The following MKS1 variants were observed in gnomAD, a reference collection of about 807,000 sequenced individuals.
MKS1 encodes the protein tectonic-like complex member MKS1.
In MKS1, 70 loss-of-function variants were observed where a neutral mutation model predicts 83.7. The ratio of observed to expected loss-of-function variants is 0.84; its 90% confidence interval spans 0.69 to 1.02. MKS1 has a LOEUF of 1.02. MKS1 is among the 50% of genes least tolerant of loss of function. The probability of loss-of-function intolerance (pLI) is 0.00; values close to 1 mark genes in which losing one functional copy is unlikely to be tolerated. For missense variants in MKS1, 681 were observed against 726.9 expected (o/e 0.94, Z 0.73); for synonymous variants, 251 against 273.4 (o/e 0.92, Z 0.81).
intron 7 of MKS1, among the ~76,000 whole-genome samples, chr17:58,213,485 G>C (rs1392910385): frequency 1.3e-5 from 2 of 152,208 alleles, no homozygotes; most frequent in Admixed American, 6.5e-5. Context: ...ACCCCACTCT[G>C]TTCTGGTCAG....
In MKS1 at chr17:58,214,759, C is replaced by T. The variant is rs1050543850; in HGVS notation, c.497G>A (p.Arg166Gln). The change falls in exon 5 of 18, where the codon CGG becomes CAG. Residue 166 changes from arginine (R) to glutamine (Q), a missense_variant. Arg to Gln is a conservative substitution (Grantham distance 43). Transcript: ENST00000393119. ...CACTCACATCCCTCGCCTGTCCTGCCGGCGACGCCTGACATTTGCCATTCG... is the reference window on the plus strand; with the variant it reads ...CACTCACATCCCTCGCCTGTCCTGCTGGCGACGCCTGACATTTGCCATTCG... ...VERMANVRRR[R>Q]QDRRGMEGGI... 26 of 1,606,540 alleles carry T rather than the reference C, an allele frequency of 1.6e-5. No homozygotes were observed. The highest frequency in any genetic ancestry group is 7.7e-5 in the South Asian group (7 of 90,944).
rs1378969681 is a variant in MKS1 at position 58,213,797 on chromosome 17, C to G, written c.717G>C (p.Lys239Asn). 1 of 1,613,996 alleles carries G rather than the reference C, an allele frequency of 6.2e-7. No individual in the cohort carries two copies. The highest frequency in any genetic ancestry group is 2.2e-5 in the East Asian group (1 of 44,896). Residue 239 changes from lysine to asparagine, a missense_variant, in exon 7 of 18, where the codon AAG becomes AAC. Coordinates refer to ENST00000393119, the MANE Select transcript of MKS1 (RefSeq NM_017777.4). ...GTCCTTTGAGGCCCGTGAAGTCAGG[C>G]TTTACTGTGATCACACCATTGCTAT... ...KVDSNGVITV[K>N]PDFTGLKGPY...
intron 11 of MKS1, among the ~76,000 whole-genome samples, chr17:58,210,279 C>T (rs577695672): frequency 4.6e-5 from 7 of 152,084 alleles, no homozygotes; most frequent in Non-Finnish European, 8.8e-5. Flanking sequence ...GGATGGATGA[C>T]GTTGCCCAGG....
At chr17:58,207,841 GT>G in intron 14 of MKS1, 52 bp downstream of exon 14, 2 of 1,486,138 alleles carry the variant, frequency 1.3e-6, no homozygotes, top group Non-Finnish European at 1.9e-6. Flanking sequence ...TGTTAGTCTT[GT>G]TCTTAGGGCC....
chr17:58,208,319 C>A, intron 12 of MKS1, 145 bp from the exon 13 acceptor site: 2 of 940,326 alleles, frequency 2.1e-6, no homozygotes, highest in Non-Finnish European at 1.7e-6. Context: ...AAAGGACACC[C>A]AAATACAAGC....
In MKS1 at chr17:58,213,861, T is replaced by G. The variant is rs201758855; in HGVS notation, c.653A>C (p.Tyr218Ser). 1 of 1,613,340 alleles carries G rather than the reference T, an allele frequency of 6.2e-7. No homozygotes were observed. Among genetic ancestry groups the G allele is most frequent in the African/African-American group, 1.3e-5 (1 of 75,014 alleles). The change falls in exon 7 of 18, where the codon TAT becomes TCT. Residue 218 changes from tyrosine (Y) to serine (S), a missense_variant. Tyr to Ser is a moderately radical substitution (Grantham distance 144). Around this residue, in one of 3 missense-constraint regions of MKS1, gnomAD observed 365 missense variants for 383.8 expected, o/e 0.95. Transcript: ENST00000393119. ...ACACAGGACATGTTCATACTTCTTA[T>G]AGCCAAGCCTAGAAATCAGGAAAAC... ...ADLGPYKKLG[Y>S]KKYEHVLCTL...
chr17:58,213,654 T>C (rs930484502), intron 7 of MKS1, 111 bp downstream of exon 7: 5 of 841,744 alleles, frequency 5.9e-6, no homozygotes, highest in African/African-American at 1.7e-5. Flanking sequence ...CCTGGGAATG[T>C]AAAAGTTAGA....
In MKS1 at chr17:58,210,837, C is replaced by A. The variant is rs1273624612; in HGVS notation, c.959-113G>T. 8.4e-6 allele frequency: 12 copies of A among 1,433,862 alleles called. No individual in the cohort carries two copies. The East Asian group carries it at 2.7e-4, about 33-fold the overall frequency. 88.8% of individuals were successfully genotyped at this position (1,433,862 alleles called of 1,614,324 possible). A position where few individuals can be genotyped will look rare whatever the true frequency, so the allele number is the denominator to read the frequency against. On this transcript the variant is annotated intron_variant, in intron 10 of 17. Coordinates refer to ENST00000393119, the MANE Select transcript of MKS1 (RefSeq NM_017777.4). ...GAGCAAGTCTTTTGAGGGCCAGGAA[C>A]CCTCTGCGTTTCCAGGAAAGACTCA...
At chr17:58,212,660 A>G (rs1419157496) in intron 8 of MKS1, among the ~76,000 whole-genome samples, 3 of 152,198 alleles carry the variant, frequency 2.0e-5, no homozygotes. Context: ...TGGGCAGACT[A>G]CTTAGCTCCT....
At chr17:58,213,624 G>A in intron 7 of MKS1, 141 bp downstream of exon 7, 1 of 744,228 alleles carries the variant, frequency 1.3e-6, no homozygotes, top group Non-Finnish European at 2.4e-6. Flanking sequence ...CTATGACTTG[G>A]AACAGAATAC....
At chr17:58,212,480 G>C in intron 8 of MKS1, 46 bp from the exon 9 acceptor site, 1 of 1,598,186 alleles carries the variant, frequency 6.3e-7, no homozygotes. Context: ...ACCCAAGCTA[G>C]ACCAAAGTTC....
chr17:58,217,269 G>A (rs925957168), intron 2 of MKS1, among the ~76,000 whole-genome samples: 1 of 152,230 alleles, frequency 6.6e-6, no homozygotes, highest in Admixed American at 6.5e-5. Context: ...GATTACAGGC[G>A]TGGGCCACGG....
chr17:58,206,034 T>TC lies in MKS1; in HGVS notation c.*44dup. ...GGCAGGAGAGCACTGGCCTCAGATA[T>TC]CCCCCATCTTGTCCTCTTGCACTGT... On this transcript the variant is annotated 3_prime_UTR_variant, in exon 18 of 18. Transcript: ENST00000393119. The TC allele has an allele frequency of 6.3e-7, 1 of 1,575,816 alleles. No individual in the cohort carries two copies. The highest frequency in any genetic ancestry group is 8.6e-7 in the Non-Finnish European group (1 of 1,162,026).
In MKS1 at chr17:58,218,699, G is replaced by C. The variant is rs1409024170; in HGVS notation, c.111C>G (p.Asn37Lys). Reference sequence around the variant, plus strand: ...CGGCAGCAGGCTGATAATGAAGAAAGTTGCTTGATGTGATTCTTTGCAGGT... The same window carrying C: ...CGGCAGCAGGCTGATAATGAAGAAACTTGCTTGATGTGATTCTTTGCAGGT... ...RVHLQRITSS[N>K]FLHYQPAAEL... is the part of the protein sequence containing the mutation. The change falls in exon 2 of 18, where the codon AAC (asparagine) becomes AAG (lysine). Residue 37 changes from asparagine (N) to lysine (K), a missense_variant. Coordinates refer to ENST00000393119, the MANE Select transcript of MKS1 (RefSeq NM_017777.4). 3 of 1,613,862 alleles carry C rather than the reference G, an allele frequency of 1.9e-6. No homozygotes were observed. The highest frequency in any genetic ancestry group is 2.7e-5 in the African/African-American group (2 of 74,924).
Position 58,214,799 on chromosome 17 carries a change from A to C in MKS1, c.457T>G (p.Ser153Ala), listed in dbSNP as rs2143809333. The C allele has an allele frequency of 6.2e-7, 1 of 1,606,514 alleles. No individual in the cohort carries two copies. Among genetic ancestry groups the C allele is most frequent in the Non-Finnish European group, 8.5e-7 (1 of 1,179,732 alleles). ...TTTGCCATTCGCTCGACCAAGAATG[A>C]AGGCACCTCGCTGGCTGCAGTGGTC... is the stretch of plus-strand genomic sequence containing the variant. ...RMTTAASEVP[S>A]FLVERMANVR... The change falls in exon 5 of 18, where the codon TCA (serine) becomes GCA (alanine). Residue 153 changes from serine to alanine, a missense_variant. By Grantham distance (99) the Ser-to-Ala change is moderately conservative. This residue lies in a region of MKS1 where 365 missense variants were observed against 383.8 expected (regional missense o/e 0.95). Transcript: ENST00000393119.
At chr17:58,218,839 G>A (rs1045849832) in intron 1 of MKS1, 110 bp from the exon 2 acceptor site, 15 of 1,031,586 alleles carry the variant, frequency 1.5e-5, no homozygotes, top group Non-Finnish European at 2.2e-5. Context: ...AAGGTGTGCT[G>A]GGTGCAGACA....
intron 2 of MKS1, among the ~76,000 whole-genome samples, chr17:58,217,249 A>G (rs926025938): frequency 6.6e-6 from 1 of 152,208 alleles, no homozygotes; most frequent in African/African-American, 2.4e-5. Context: ...TTGGTCTCCC[A>G]AAGTGCTGGG....
intron 15 of MKS1, 162 bp downstream of exon 15, chr17:58,206,923 C>T: frequency 1.0e-6 from 1 of 980,768 alleles, no homozygotes; most frequent in Non-Finnish European, 1.6e-6. Flanking sequence ...ATATTGGAAC[C>T]TGATTCAAAA....
At chr17:58,218,441 C>G (rs1489277696) in intron 2 of MKS1, 179 bp downstream of exon 2, 1 of 401,624 alleles carries the variant, frequency 2.5e-6, no homozygotes, top group African/African-American at 3.2e-5. Context: ...GAGCAAGACT[C>G]CGTCTCAAAA....
Sources: allele counts gnomAD v4.1 joint callset (sites outside exome capture counted in the v4.1 genomes callset), GRCh38; gene constraint gnomAD v4.1.1; regional missense constraint gnomAD v4.1.1; transcripts MANE v1.5; gene names NCBI Gene and HGNC (gene_info 2026-07-23, HGNC 2026-07-21).